SCAPER: variants seen among roughly 807,000 people sequenced by gnomAD.
The protein encoded by SCAPER is S phase cyclin A-associated protein in the endoplasmic reticulum.
In SCAPER, 98 loss-of-function variants were observed where a neutral mutation model predicts 182.2. The ratio of observed to expected loss-of-function variants is 0.54; its 90% CI spans 0.46 to 0.64. SCAPER has a LOEUF of 0.64. Among genes scored for constraint, SCAPER ranks in the 30% least tolerant of loss-of-function variants. The pLI is 0.00. For missense variants in SCAPER, 1,432 were observed against 1,690.0 expected, an observed-to-expected ratio of 0.85 and a Z score of 2.68; for synonymous variants, 605 against 564.6, an observed-to-expected ratio of 1.07 and a Z score of -1.01.
intron 29 of SCAPER, among the ~76,000 whole-genome samples, chr15:76,358,612 T>A (rs1299115097): frequency 6.6e-6 from 1 of 152,254 alleles, no homozygotes. Context: ...TCTCCTTTCC[T>A]TTTATAAGGC....
intron 21 of SCAPER, among the ~76,000 whole-genome samples, chr15:76,654,810 G>T (rs764123779): frequency 6.6e-6 from 1 of 152,146 alleles, no homozygotes; most frequent in African/African-American, 2.4e-5. Flanking sequence ...CTGGTTGCAG[G>T]GGGCCTGAAT....
chr15:76,546,069 C>T (rs1245472038), intron 23 of SCAPER, among the ~76,000 whole-genome samples: 1 of 152,130 alleles, frequency 6.6e-6, no homozygotes, highest in Non-Finnish European at 1.5e-5. Context: ...TATGCCTTGA[C>T]AGTAGGACTA....
chr15:76,696,556 C>A (rs1421176690), intron 20 of SCAPER, among the ~76,000 whole-genome samples: 1 of 151,926 alleles, frequency 6.6e-6, no homozygotes, highest in Non-Finnish European at 1.5e-5. Flanking sequence ...TAATGAATCT[C>A]ACAAACATAG....
At chr15:76,781,429 A>G (rs1015279349) in intron 8 of SCAPER, among the ~76,000 whole-genome samples, 1 of 152,206 alleles carries the variant, frequency 6.6e-6, no homozygotes, top group Admixed American at 6.5e-5. Context: ...TACGTGAAAG[A>G]GATGGGGAGA....
At chr15:76,831,225 G>A (rs1157784832) in intron 5 of SCAPER, among the ~76,000 whole-genome samples, 1 of 152,134 alleles carries the variant, frequency 6.6e-6, no homozygotes, top group Non-Finnish European at 1.5e-5. Flanking sequence ...GACCAGGAGA[G>A]GGCAGGGCTG....
At chr15:76,506,520 T>C (rs573594147) in intron 23 of SCAPER, among the ~76,000 whole-genome samples, 3 of 152,202 alleles carry the variant, frequency 2.0e-5, no homozygotes, top group East Asian at 1.9e-4. Flanking sequence ...ATGAGAATAA[T>C]GGGGGAATCA....
chr15:76,367,924 C>A (rs891178853), intron 29 of SCAPER, among the ~76,000 whole-genome samples: 2 of 151,764 alleles, frequency 1.3e-5, no homozygotes, highest in Non-Finnish European at 2.9e-5. Context: ...GAAAAAAAAA[C>A]CCACATTTTT....
At chr15:76,602,236 T>C (rs531213372) in intron 22 of SCAPER, among the ~76,000 whole-genome samples, 1 of 122,634 alleles carries the variant, frequency 8.2e-6, no homozygotes, top group East Asian at 2.2e-4. Context: ...TATACAGATC[T>C]GAGTTTCTGA....
chr15:76,671,627 G>A (rs1490934680), intron 20 of SCAPER, among the ~76,000 whole-genome samples: 6 of 152,092 alleles, frequency 3.9e-5, no homozygotes, highest in Non-Finnish European at 8.8e-5. Flanking sequence ...AAAATTAGCC[G>A]GGAGTGATGG....
At chr15:76,871,857 C>T (rs1181112179) in intron 2 of SCAPER, among the ~76,000 whole-genome samples, 1 of 152,026 alleles carries the variant, frequency 6.6e-6, no homozygotes, top group Admixed American at 6.6e-5. Context: ...TCCCAAAGTG[C>T]TAGGATTACA....
intron 22 of SCAPER, among the ~76,000 whole-genome samples, chr15:76,591,896 C>CA (rs937484474): frequency 6.6e-6 from 1 of 152,028 alleles, no homozygotes; most frequent in Non-Finnish European, 1.5e-5. Context: ...CCCATATCTA[C>CA]AAAAAATACA....
At chr15:76,796,562 C>A (rs1397874826) in intron 7 of SCAPER, among the ~76,000 whole-genome samples, 1 of 152,074 alleles carries the variant, frequency 6.6e-6, no homozygotes, top group East Asian at 1.9e-4. Flanking sequence ...GTCTATGAGC[C>A]AAAATTGTTC....
At chr15:76,390,853 A>G (rs1007449413) in intron 27 of SCAPER, among the ~76,000 whole-genome samples, 2 of 152,256 alleles carry the variant, frequency 1.3e-5, no homozygotes, top group East Asian at 3.9e-4. Context: ...AACTGGGAGG[A>G]AAAAACTGTC....
At chr15:76,884,055 A>G (rs971587158) in intron 1 of SCAPER, among the ~76,000 whole-genome samples, 179 bp from the exon 2 acceptor site, 1 of 152,178 alleles carries the variant, frequency 6.6e-6, no homozygotes, top group Non-Finnish European at 1.5e-5. Context: ...GCTGAACAAG[A>G]CCTCAGTGCT....
Position 76,358,503 on chromosome 15 carries a change from G to T in SCAPER, c.3856-4363C>A, listed in dbSNP as rs187548019. ...AAGTCTGGTATCAGGGAACCAGCAT[G>T]GTGGGGCTGGTGAGGGCCTTCCTTG... On this transcript the variant is annotated intron_variant, in intron 29 of 31. Transcript: ENST00000563290. Among the ~76,000 whole-genome samples the T allele has an allele frequency of 6.2e-4, 94 of 152,354 alleles. 1 individual carries two copies. The highest frequency in any genetic ancestry group is 2.5e-3 in the Admixed American group (38 of 15,306).
chr15:76,653,093 T>C (rs1274597722), intron 21 of SCAPER, among the ~76,000 whole-genome samples: 1 of 151,784 alleles, frequency 6.6e-6, no homozygotes. Flanking sequence ...GAGCGTAAAA[T>C]CAAGAACACA....
chr15:76,795,382 C>T lies in SCAPER; in HGVS notation c.670G>A (p.Asp224Asn), dbSNP rs746816280. Residue 224 changes from aspartate to asparagine, a missense_variant, in exon 8 of 32, where the codon GAC becomes AAC. Around this residue, in one of 5 missense-constraint regions of SCAPER, gnomAD observed 480 missense variants for 510.2 expected, o/e 0.94. Transcript: ENST00000563290. Reference protein sequence around the residue: ...RLAPTGVSWADKVKAHHTGST... With the variant: ...RLAPTGVSWANKVKAHHTGST... ...CCTGTATGATGAGCCTTTACCTTGT[C>T]AGCCCAACTGACACCTGTGGGAGCC... The T allele has an allele frequency of 8.7e-6, 14 of 1,610,858 alleles. No homozygotes were observed. The highest frequency in any genetic ancestry group is 1.1e-5 in the Non-Finnish European group (13 of 1,178,008).
chr15:76,399,128 C>A (rs1596442285), intron 27 of SCAPER, among the ~76,000 whole-genome samples: 1 of 152,068 alleles, frequency 6.6e-6, no homozygotes, highest in African/African-American at 2.4e-5. Flanking sequence ...ACAGTAAAGG[C>A]CAAAGAAATA....
intron 29 of SCAPER, among the ~76,000 whole-genome samples, chr15:76,373,745 T>C (rs1425987642): frequency 6.6e-6 from 1 of 152,238 alleles, no homozygotes; most frequent in South Asian, 2.1e-4. Context: ...ATTCCTGCAG[T>C]GCGGTTCAGG....
Sources: gnomAD v4.1 joint callset for allele counts (sites outside exome capture counted in the v4.1 genomes callset) on GRCh38, gnomAD v4.1.1 for gene constraint, gnomAD v4.1.1 regional missense constraint, MANE v1.5 for transcripts, NCBI Gene and HGNC (gene_info 2026-07-23, HGNC 2026-07-21) for gene names.